GALNT13: variants seen among roughly 807,000 people sequenced by gnomAD.
The protein encoded by GALNT13 is UDP-GalNAc:polypeptide N-acetylgalactosaminyltransferase 13.
A neutral mutation model predicts 64.2 loss-of-function variants in GALNT13; 28 were observed. The observed-to-expected ratio is 0.44, with a 90% CI of 0.32 to 0.60. The LOEUF (loss-of-function observed/expected upper bound fraction) is 0.60, where lower values mean the gene tolerates loss of function less well. Ranked by LOEUF, GALNT13 falls within the 20% of genes least tolerant of loss-of-function variation. The probability of loss-of-function intolerance (pLI) is 0.05; values close to 1 mark genes in which losing one functional copy is unlikely to be tolerated. For missense variants in GALNT13, 577 were observed against 669.8 expected, an observed-to-expected ratio of 0.86 and a Z score of 1.53; for synonymous variants, 214 against 224.6, an observed-to-expected ratio of 0.95 and a Z score of 0.42.
intron 4 of GALNT13, among the ~76,000 whole-genome samples, chr2:154,178,299 T>G (rs1338807344): frequency 6.6e-6 from 1 of 151,788 alleles, no homozygotes; most frequent in African/African-American, 2.4e-5. Context: ...ATTTTTCAAA[T>G]GGAAATTAGA....
the GALNT13 span, among the ~76,000 whole-genome samples, chr2:153,133,327 A>G: frequency 0.9 from 136,520 of 152,054 alleles, 62,376 homozygotes; most frequent in Non-Finnish European, 0.98. Context: ...GAGAACCTCC[A>G]AGGGGCCTAT....
chr2:154,127,468 T>C (rs1254358331), intron 3 of GALNT13, among the ~76,000 whole-genome samples: 1 of 152,104 alleles, frequency 6.6e-6, no homozygotes, highest in Non-Finnish European at 1.5e-5. Flanking sequence ...CACATTGATT[T>C]TGTTTAAAGT....
intron 9 of GALNT13, among the ~76,000 whole-genome samples, chr2:154,317,836 C>G (rs1322959595): frequency 6.6e-6 from 1 of 151,904 alleles, no homozygotes; most frequent in Non-Finnish European, 1.5e-5. Flanking sequence ...GTAACTCTCT[C>G]TAGAATGGAC....
At chr2:153,805,698 T>G in the GALNT13 span, among the ~76,000 whole-genome samples, 1 of 152,072 alleles carries the variant, frequency 6.6e-6, no homozygotes, top group Admixed American at 6.5e-5. Flanking sequence ...TTTTGAGAGT[T>G]CTCAGTGGAT....
intron 8 of GALNT13, among the ~76,000 whole-genome samples, chr2:154,291,072 A>T (rs1167829593): frequency 6.6e-6 from 1 of 151,678 alleles, no homozygotes; most frequent in African/African-American, 2.4e-5. Context: ...AAAAGAACAA[A>T]CCTTCCACAG....
chr2:153,429,067 TTCTC>T, the GALNT13 span, among the ~76,000 whole-genome samples: 10 of 151,836 alleles, frequency 6.6e-5, no homozygotes, highest in African/African-American at 2.4e-4. Flanking sequence ...CTCTTTCTCT[TTCTC>T]TCTCTCTTTC....
chr2:154,287,342 G>A (rs1692328814), intron 8 of GALNT13: 1 of 590,312 alleles, frequency 1.7e-6, no homozygotes, highest in South Asian at 1.7e-5. Context: ...GAAGCAGCGA[G>A]ACATTGCATT....
At chr2:153,111,819 C>T in the GALNT13 span, among the ~76,000 whole-genome samples, 1 of 152,100 alleles carries the variant, frequency 6.6e-6, no homozygotes. Flanking sequence ...TATAAGGACT[C>T]TTGCTACAAC....
At chr2:153,995,436 A>G (rs1198030936) in intron 3 of GALNT13, among the ~76,000 whole-genome samples, 1 of 152,116 alleles carries the variant, frequency 6.6e-6, no homozygotes, top group African/African-American at 2.4e-5. Flanking sequence ...AGAATTAGAC[A>G]TTGTCATTTC....
the GALNT13 span, among the ~76,000 whole-genome samples, chr2:153,848,141 C>T: frequency 2.0e-5 from 3 of 152,120 alleles, no homozygotes; most frequent in Non-Finnish European, 2.9e-5. Context: ...TAGGATGGGC[C>T]AAAGACACTG....
At chr2:153,500,266 G>A in the GALNT13 span, among the ~76,000 whole-genome samples, 1 of 152,106 alleles carries the variant, frequency 6.6e-6, no homozygotes, top group East Asian at 1.9e-4. Flanking sequence ...CATTTGGAGT[G>A]TGATGGCCTG....
chr2:154,164,833 G>T (rs565823022), intron 4 of GALNT13, among the ~76,000 whole-genome samples: 1 of 152,060 alleles, frequency 6.6e-6, no homozygotes, highest in East Asian at 1.9e-4. Flanking sequence ...AATCGACCAG[G>T]TTTATAAAAA....
intron 9 of GALNT13, among the ~76,000 whole-genome samples, chr2:154,328,364 A>G (rs1694988120): frequency 6.6e-6 from 1 of 152,018 alleles, no homozygotes; most frequent in Non-Finnish European, 1.5e-5. Flanking sequence ...ACTCATCCAC[A>G]CTGATTCATT....
At chr2:153,495,344 C>G in the GALNT13 span, among the ~76,000 whole-genome samples, 1 of 150,826 alleles carries the variant, frequency 6.6e-6, no homozygotes, top group African/African-American at 2.5e-5. Context: ...ACAAAAACAA[C>G]AACAACAAAA....
chr2:153,101,095 T>C, the GALNT13 span, among the ~76,000 whole-genome samples: 1 of 152,322 alleles, frequency 6.6e-6, no homozygotes, highest in Middle Eastern at 3.4e-3. Context: ...TATGTTATGA[T>C]GTAAATAACA....
At chr2:154,013,363 C>A (rs1008758495) in intron 3 of GALNT13, among the ~76,000 whole-genome samples, 1 of 151,916 alleles carries the variant, frequency 6.6e-6, no homozygotes, top group African/African-American at 2.4e-5. Context: ...ATGACCCTGA[C>A]GGCTAGAAGT....
At chr2:154,448,197 G>C (rs767986587) in intron 12 of GALNT13, among the ~76,000 whole-genome samples, 1 of 152,092 alleles carries the variant, frequency 6.6e-6, no homozygotes, top group South Asian at 2.1e-4. Flanking sequence ...AGAAAAGCCC[G>C]AAGTTTGCTT....
At chr2:153,265,168 G>A in the GALNT13 span, among the ~76,000 whole-genome samples, 1 of 152,118 alleles carries the variant, frequency 6.6e-6, no homozygotes, top group East Asian at 1.9e-4. Context: ...GCACTCCCTT[G>A]GCAACCCCAG....
At chr2:153,498,839 G>A in the GALNT13 span, among the ~76,000 whole-genome samples, 9 of 151,952 alleles carry the variant, frequency 5.9e-5, no homozygotes, top group East Asian at 1.7e-3. Context: ...CCATTTGGTG[G>A]GTCCTAAGTT....
Sources: allele counts gnomAD v4.1 joint callset (sites outside exome capture counted in the v4.1 genomes callset), GRCh38; gene constraint gnomAD v4.1.1; transcripts MANE v1.5; gene names NCBI Gene and HGNC (gene_info 2026-07-23, HGNC 2026-07-21).